ZDHHC1: variants seen among roughly 807,000 people sequenced by gnomAD.
ZDHHC1 encodes palmitoyltransferase ZDHHC1.
ZDHHC1 carries 45 observed loss-of-function variants against 46.9 expected under a neutral mutation model. The observed-to-expected ratio is 0.96, with a 90% CI of 0.76 to 1.23. The LOEUF (loss-of-function observed/expected upper bound fraction) is 1.23, where lower values mean the gene tolerates loss of function less well. Among genes scored for constraint, ZDHHC1 ranks in the 50% most tolerant of loss-of-function variants. ZDHHC1 has a pLI of 0.00. For synonymous variants in ZDHHC1, 291 were observed against 286.0 expected (o/e 1.02, Z -0.18); for missense variants, 649 against 670.8 (o/e 0.97, Z 0.36).
intron 1 of ZDHHC1, among the ~76,000 whole-genome samples, chr16:67,413,743 C>T (rs1271763387): frequency 2.0e-5 from 3 of 147,818 alleles, no homozygotes; most frequent in Admixed American, 6.6e-5. Context: ...AATTCGAGAC[C>T]AGCCTGGCCA....
chr16:67,401,463 G>A lies in ZDHHC1; in HGVS notation c.253-331C>T, dbSNP rs1257550594. Among the ~76,000 whole-genome samples, 1 of 152,214 alleles carries A rather than the reference G, an allele frequency of 6.6e-6. No individual in the cohort carries two copies. Among genetic ancestry groups the A allele is most frequent in the East Asian group, 1.9e-4 (1 of 5,198 alleles). On this transcript the variant is annotated intron_variant, in intron 3 of 11. Transcript: ENST00000565726. This position sits in a 1 kb window ranked among gnomAD's most constrained non-coding sequence, Gnocchi z 4.6. ...GCCCTGGCTGGTCTGACCTCAGGCT[G>A]GTTTCTGGTTTCAGATTCCAAATGG...
At chr16:67,410,058 G>GC (rs1597549051) in intron 1 of ZDHHC1, among the ~76,000 whole-genome samples, 1 of 152,162 alleles carries the variant, frequency 6.6e-6, no homozygotes, top group African/African-American at 2.4e-5. Flanking sequence ...GAGTTGCGGG[G>GC]CTCAGATCAC....
rs1299738563 is a variant in ZDHHC1, at chr16:67,416,472, G to T, written c.-340C>A. The T allele has an allele frequency of 6.2e-6, 1 of 161,390 alleles. No individual in the cohort carries two copies. Among genetic ancestry groups the T allele is most frequent in the African/African-American group, 2.4e-5 (1 of 41,458 alleles). The allele number at this position is 161,390 out of a possible 1,614,324, so 10.0% of individuals were successfully genotyped here. ...GACCCAGACTGGCTGGGCCTCGTCC[G>T]GCGCTGGGCCCGTTCCCCTGACAAC... On this transcript the variant is annotated 5_prime_UTR_variant, in exon 1 of 12. Transcript: ENST00000565726.
intron 5 of ZDHHC1, 123 bp from the exon 6 acceptor site, chr16:67,399,067 A>G (rs2040493530): frequency 1.5e-6 from 2 of 1,354,190 alleles, no homozygotes; most frequent in Admixed American, 2.9e-5. Flanking sequence ...CACAGCCCCA[A>G]CTCCTCAGAA....
chr16:67,402,035 A>G (rs1249844359), intron 3 of ZDHHC1, among the ~76,000 whole-genome samples: 2 of 151,976 alleles, frequency 1.3e-5, no homozygotes, highest in Non-Finnish European at 2.9e-5. Context: ...CAGCTGTCCA[A>G]TCTCTTTTCC....
rs1211804061 is a variant in ZDHHC1 at position 67,394,166 on chromosome 16, C to T, written c.*444G>A. Among the ~76,000 whole-genome samples, 1 of 152,236 alleles carries T rather than the reference C, an allele frequency of 6.6e-6. No individual in the cohort carries two copies. Among genetic ancestry groups the T allele is most frequent in the Non-Finnish European group, 1.5e-5 (1 of 68,044 alleles). The stretch of plus-strand genomic sequence containing the variant: ...CCCACGGCCTCGCAGCCTCAGCGCC[C>T]ACTGCTGCTTTCGGAGCCCAAAGCC... On this transcript the variant is annotated 3_prime_UTR_variant, in exon 12 of 12. Transcript: ENST00000565726.
At chr16:67,397,255 A>G (rs566155404) in intron 8 of ZDHHC1, among the ~76,000 whole-genome samples, 1 of 152,318 alleles carries the variant, frequency 6.6e-6, no homozygotes, top group African/African-American at 2.4e-5. Context: ...GAGGCTTGAG[A>G]AAGTCTCCTG....
Position 67,401,528 on chromosome 16 carries a change from A to C in ZDHHC1, c.253-396T>G, listed in dbSNP as rs1016609037. 1.3e-4 allele frequency among the ~76,000 whole-genome samples: 20 copies of C among 152,236 alleles called. No homozygotes were observed. Among genetic ancestry groups the C allele is most frequent in the Admixed American group, 4.6e-4 (7 of 15,280 alleles). On this transcript the variant is annotated intron_variant, in intron 3 of 11. Coordinates refer to ENST00000565726, the MANE Select transcript of ZDHHC1 (RefSeq NM_001323627.2). The surrounding 1 kb of genome is among the most constrained non-coding windows in gnomAD (Gnocchi z 4.6). ...AAGAGATCAACCCCACCTAAGGTCC[A>C]AGAACCTGAAGTTTAAGTCCCAGCT... is the stretch of plus-strand genomic sequence containing the variant.
In ZDHHC1 at chr16:67,406,378, G is replaced by A; in HGVS notation, c.74C>T (p.Ala25Val). The A allele has an allele frequency of 6.3e-7, 1 of 1,580,446 alleles. No homozygotes were observed. Among genetic ancestry groups the A allele is most frequent in the Non-Finnish European group, 8.6e-7 (1 of 1,162,996 alleles). The change falls in exon 3 of 12, where the codon GCA (alanine) becomes GTA (valine). Residue 25 changes from alanine to valine, a missense_variant. Ala to Val is a moderately conservative substitution (Grantham distance 64). Coordinates refer to ENST00000565726, the MANE Select transcript of ZDHHC1 (RefSeq NM_001323627.2). This position sits in a 1 kb window ranked among gnomAD's most constrained non-coding sequence, Gnocchi z 4.1. ...CTCAGGGGAGGGTCCGCTGGGCTGT[G>A]CCGGTGCCGTCCACACACTCTTCTC... ...APEKSVWTAPAQPSGPSPELQ... is the reference protein window; with the variant it reads ...APEKSVWTAPVQPSGPSPELQ...
At chr16:67,411,418 C>T (rs968268247) in intron 1 of ZDHHC1, among the ~76,000 whole-genome samples, 2 of 152,134 alleles carry the variant, frequency 1.3e-5, no homozygotes, top group African/African-American at 4.8e-5. Flanking sequence ...TTTCTGGTTC[C>T]CGAGCTGCCA....
chr16:67,409,486 C>T lies in ZDHHC1; in HGVS notation c.-38-1673G>A, dbSNP rs138284245. Among the ~76,000 whole-genome samples the T allele has an allele frequency of 1.1e-3, 167 of 152,348 alleles. 2 individuals are homozygous for T. Among genetic ancestry groups the T allele is most frequent in the African/African-American group, 3.5e-3 (146 of 41,578 alleles). On this transcript the variant is annotated intron_variant, in intron 1 of 11. Transcript: ENST00000565726. ...AGCAGAGGCAGCATTCTGGTATAGA[C>T]GCCCAGGCTGGCCCAGAGGCATGCC...
In ZDHHC1 at chr16:67,400,015, CAG is replaced by C. The variant is rs936026950; in HGVS notation, c.429-561_429-560del. On this transcript the variant is annotated intron_variant, in intron 4 of 11. Transcript: ENST00000565726. ...CATGCAGGTGCTCACCACAGGGGCT[CAG>C]GGGAAGTCTCCCAGCCCAGGGAGGC... is the stretch of plus-strand genomic sequence containing the variant. Among the ~76,000 whole-genome samples, 101 of 152,340 alleles carry C rather than the reference CAG, an allele frequency of 6.6e-4. 1 individual carries two copies. The highest frequency in any genetic ancestry group is 6.8e-3 in the Middle Eastern group (2 of 294).
chr16:67,398,992 A>T, intron 5 of ZDHHC1, 48 bp from the exon 6 acceptor site: 1 of 1,596,452 alleles, frequency 6.3e-7, no homozygotes, highest in South Asian at 1.1e-5. Context: ...CTCCAGCCTC[A>T]GAAGGCCCAT....
In ZDHHC1 at chr16:67,394,652, G is replaced by T; in HGVS notation, c.1407C>A (p.Gly469=). 8.2e-7 allele frequency: 1 copy of T among 1,221,952 alleles called. No homozygotes were observed. Among genetic ancestry groups the T allele is most frequent in the East Asian group, 3.6e-5 (1 of 27,916 alleles). 75.7% of individuals were successfully genotyped at this position (1,221,952 alleles called of 1,614,324 possible). A position where few individuals can be genotyped will look rare whatever the true frequency, so the allele number is the denominator to read the frequency against. ...CCCGGCCGCCCGGCGCCCTGGGCTC[G>T]CCGCTGCTCGGGCTCACGAAAACGG... ...APAVFVSPSS[G]EPRAPGGREA... The change falls in exon 12 of 12, where the codon GGC becomes GGA. Residue 469 remains glycine, a synonymous_variant. Coordinates refer to ENST00000565726, the MANE Select transcript of ZDHHC1 (RefSeq NM_001323627.2).
At position 67,406,729 on chromosome 16, in the gene ZDHHC1, G is replaced by A. The variant is rs1471877633; in HGVS notation, c.10-287C>T. ...GCTGCTGCCTGTAACTCAAAGTGCT[G>A]TCTTCACAGCCATCACAGTTAAACC... On this transcript the variant is annotated intron_variant, in intron 2 of 11. Coordinates refer to ENST00000565726, the MANE Select transcript of ZDHHC1 (RefSeq NM_001323627.2). The surrounding 1 kb of genome is among the most constrained non-coding windows in gnomAD (Gnocchi z 4.1). Among the ~76,000 whole-genome samples the A allele has an allele frequency of 6.6e-6, 1 of 152,216 alleles. No homozygotes were observed. The highest frequency in any genetic ancestry group is 6.5e-5 in the Admixed American group (1 of 15,288).
At chr16:67,412,700 G>A (rs143819758) in intron 1 of ZDHHC1, among the ~76,000 whole-genome samples, 6 of 152,190 alleles carry the variant, frequency 3.9e-5, no homozygotes, top group African/African-American at 1.4e-4. Context: ...CCCAGAACCC[G>A]AAGGGAAAGT....
Position 67,394,913 on chromosome 16 carries a change from A to G in ZDHHC1, c.1166-20T>C, listed in dbSNP as rs2040392071. 5 of 1,570,284 alleles carry G rather than the reference A, an allele frequency of 3.2e-6. No homozygotes were observed. Among genetic ancestry groups the G allele is most frequent in the South Asian group, 1.2e-5 (1 of 86,398 alleles). On this transcript the variant is annotated intron_variant, in intron 11 of 11. Transcript: ENST00000565726. ...TAGGCCCTGCGCAAGGGAAGGGAAC[A>G]TGAGCCCAGTGGCTGCGGCTCGCTT...
rs538355736 is a variant in ZDHHC1, at chr16:67,401,507, G to A, written c.253-375C>T. On this transcript the variant is annotated intron_variant, in intron 3 of 11. Coordinates refer to ENST00000565726, the MANE Select transcript of ZDHHC1 (RefSeq NM_001323627.2). The surrounding 1 kb of genome is among the most constrained non-coding windows in gnomAD (Gnocchi z 4.6). ...CAAATGGTGATGTGAGACTGAAAGA[G>A]ATCAACCCCACCTAAGGTCCAAGAA... is the stretch of plus-strand genomic sequence containing the variant. Among the ~76,000 whole-genome samples the A allele has an allele frequency of 2.8e-4, 43 of 152,350 alleles. 1 individual carries two copies. The highest frequency in any genetic ancestry group is 8.9e-4 in the African/African-American group (37 of 41,590).
At chr16:67,407,442 A>T (rs2040681794) in intron 2 of ZDHHC1, among the ~76,000 whole-genome samples, 1 of 152,210 alleles carries the variant, frequency 6.6e-6, no homozygotes, top group South Asian at 2.1e-4. Context: ...TGAGACAGGG[A>T]ACCTAAGCAG....
Sources: gnomAD v4.1 joint callset for allele counts (sites outside exome capture counted in the v4.1 genomes callset) on GRCh38, gnomAD v4.1.1 for gene constraint, Gnocchi (gnomAD v3.1) non-coding constraint, MANE v1.5 for transcripts, NCBI Gene and HGNC (gene_info 2026-07-23, HGNC 2026-07-21) for gene names.